Variants in FTCDNL1 observed in about 807,000 individuals in gnomAD.
FTCDNL1 encodes formiminotransferase N-terminal subdomain-containing protein.
In FTCDNL1, 11 loss-of-function variants were observed where a neutral mutation model predicts 5.9. The observed-to-expected ratio is 1.87, with a 90% CI of 1.18 to 3.10. The LOEUF (loss-of-function observed/expected upper bound fraction) is 3.10, where lower values mean the gene tolerates loss of function less well. Among genes scored for constraint, FTCDNL1 ranks in the 30% most tolerant of loss-of-function variants. The pLI is 0.00. For synonymous variants in FTCDNL1, 58 were observed against 24.8 expected, an observed-to-expected ratio of 2.34 and a Z score of -3.99; for missense variants, 115 against 65.5, an observed-to-expected ratio of 1.76 and a Z score of -2.61.
chr2:199,752,755 T>C, the FTCDNL1 span, among the ~76,000 whole-genome samples: 2 of 141,444 alleles, frequency 1.4e-5, no homozygotes, highest in South Asian at 2.2e-4. Flanking sequence ...TGTGTGTGTG[T>C]GTGTGTGTGT....
chr2:199,805,078 G>T (rs569176262), downstream of FTCDNL1, among the ~76,000 whole-genome samples: 1 of 152,130 alleles, frequency 6.6e-6, no homozygotes, highest in Admixed American at 6.5e-5. Context: ...ACAAGTGTTG[G>T]GGGGTGGGGA....
intron 3 of FTCDNL1, among the ~76,000 whole-genome samples, chr2:199,800,838 T>C (rs762161811): frequency 1.3e-5 from 2 of 152,232 alleles, no homozygotes; most frequent in Non-Finnish European, 2.9e-5. Context: ...GAAATTCTGA[T>C]CAATTCTGTT....
chr2:199,753,733 T>C, the FTCDNL1 span, among the ~76,000 whole-genome samples: 1 of 152,186 alleles, frequency 6.6e-6, no homozygotes, highest in Admixed American at 6.5e-5. Context: ...GAGATAGCTT[T>C]AGTTAAAATA....
the FTCDNL1 span, among the ~76,000 whole-genome samples, chr2:199,752,764 GTGTGTGTGTGTGTGTGTA>G: frequency 9.1e-4 from 135 of 148,654 alleles, no homozygotes; most frequent in Admixed American, 5.1e-3. Flanking sequence ...GTGTGTGTGT[GTGTGTGTGTGTGTGTGTA>G]TGTGTGTGTG....
downstream of FTCDNL1, among the ~76,000 whole-genome samples, chr2:199,759,020 T>A (rs1698167521): frequency 6.6e-6 from 1 of 152,178 alleles, no homozygotes; most frequent in African/African-American, 2.4e-5. Context: ...AGTGTAATAT[T>A]TGTTTTTAAA....
chr2:199,845,960 T>C, intron 3 of FTCDNL1, 115 bp downstream of exon 3: 1 of 498,472 alleles, frequency 2.0e-6, no homozygotes, highest in Non-Finnish European at 3.6e-6. Flanking sequence ...GTAGACTCTT[T>C]ACTTAATAGA....
intron 3 of FTCDNL1, among the ~76,000 whole-genome samples, chr2:199,826,389 C>T (rs1336923696): frequency 6.8e-6 from 1 of 147,656 alleles, no homozygotes; most frequent in Non-Finnish European, 1.5e-5. Context: ...ATTTACTTTA[C>T]ATTTCTGAGT....
chr2:199,821,614 G>A (rs569383336), intron 3 of FTCDNL1, among the ~76,000 whole-genome samples: 48 of 151,842 alleles, frequency 3.2e-4, no homozygotes, highest in African/African-American at 1.1e-3. Flanking sequence ...ACAGGAACCC[G>A]CTACCACACC....
chr2:199,769,343 T>C (rs1454486621), intron 3 of FTCDNL1, among the ~76,000 whole-genome samples: 1 of 152,132 alleles, frequency 6.6e-6, no homozygotes, highest in Non-Finnish European at 1.5e-5. Flanking sequence ...GTTTCCCCCT[T>C]ACTGTTCTAC....
the FTCDNL1 span, among the ~76,000 whole-genome samples, chr2:199,708,412 G>C: frequency 2.6e-5 from 4 of 151,876 alleles, no homozygotes; most frequent in African/African-American, 9.7e-5. Context: ...CCTGGTTATG[G>C]ATCAGATTTT....
chr2:199,838,189 G>A (rs1459959000), intron 3 of FTCDNL1, among the ~76,000 whole-genome samples: 1 of 152,202 alleles, frequency 6.6e-6, no homozygotes, highest in Non-Finnish European at 1.5e-5. Flanking sequence ...ATCCTGCAGA[G>A]AAATTGTCTA....
At chr2:199,765,342 G>A (rs1698464180) in intron 3 of FTCDNL1, among the ~76,000 whole-genome samples, 2 of 151,400 alleles carry the variant, frequency 1.3e-5, no homozygotes, top group African/African-American at 4.9e-5. Context: ...TGGGAGCAGG[G>A]GAGCAAGAAG....
At chr2:199,735,115 G>GAAAAAAAAAAAAAAAAAAAAA in the FTCDNL1 span, among the ~76,000 whole-genome samples, 1 of 81,600 alleles carries the variant, frequency 1.2e-5, no homozygotes, top group Admixed American at 1.5e-4. Context: ...ACTACCTTTA[G>GAAAAAAAAAAAAAAAAAAAAA]AAAAAAAAAA....
chr2:199,798,207 A>G (rs1298992339), intron 3 of FTCDNL1, among the ~76,000 whole-genome samples: 4 of 152,190 alleles, frequency 2.6e-5, no homozygotes, highest in Non-Finnish European at 4.4e-5. Flanking sequence ...TAAACCAACT[A>G]TACCTAGAGA....
At chr2:199,697,686 A>G in the FTCDNL1 span, among the ~76,000 whole-genome samples, 1 of 152,242 alleles carries the variant, frequency 6.6e-6, no homozygotes, top group Non-Finnish European at 1.5e-5. Flanking sequence ...ACACTTAAGT[A>G]CATAGAACAT....
intron 3 of FTCDNL1, among the ~76,000 whole-genome samples, chr2:199,796,760 T>A (rs1700192809): frequency 6.6e-6 from 1 of 152,026 alleles, no homozygotes; most frequent in Non-Finnish European, 1.5e-5. Flanking sequence ...TGTTAAGTAG[T>A]ATCCTTAAAA....
At chr2:199,829,051 G>A (rs1192715289) in intron 3 of FTCDNL1, among the ~76,000 whole-genome samples, 2 of 152,168 alleles carry the variant, frequency 1.3e-5, no homozygotes, top group Non-Finnish European at 2.9e-5. Flanking sequence ...TATCCATGCT[G>A]ATCAGCTTTG....
At chr2:199,751,654 G>C in the FTCDNL1 span, among the ~76,000 whole-genome samples, 1 of 151,942 alleles carries the variant, frequency 6.6e-6, no homozygotes, top group Non-Finnish European at 1.5e-5. Flanking sequence ...CCTTCTCTCT[G>C]CCCGACTGCA....
the FTCDNL1 span, among the ~76,000 whole-genome samples, chr2:199,725,327 T>G: frequency 1.3e-5 from 2 of 152,230 alleles, no homozygotes; most frequent in Non-Finnish European, 2.9e-5. Context: ...GGGTCTTGAC[T>G]CTAATTTATC....
Sources: allele counts gnomAD v4.1 joint callset (sites outside exome capture counted in the v4.1 genomes callset), GRCh38; gene constraint gnomAD v4.1.1; transcripts MANE v1.5; gene names NCBI Gene and HGNC (gene_info 2026-07-23, HGNC 2026-07-21).